Variants in GIPC2 observed in about 807,000 individuals in gnomAD.
GIPC2 encodes the protein GIPC PDZ domain containing family member 2.
A neutral mutation model predicts 30.6 loss-of-function variants in GIPC2; 30 were observed. That is an observed-to-expected ratio of 0.98 (90% CI 0.73 to 1.33). GIPC2 has a LOEUF of 1.33. Ranked by LOEUF, GIPC2 falls within the 40% of genes most tolerant of loss-of-function variation. The probability of loss-of-function intolerance (pLI) is 0.00; values close to 1 mark genes in which losing one functional copy is unlikely to be tolerated. For missense variants in GIPC2, 414 were observed against 390.3 expected, an observed-to-expected ratio of 1.06 and a Z score of -0.51; for synonymous variants, 167 against 150.0, an observed-to-expected ratio of 1.11 and a Z score of -0.83.
At chr1:78,089,957 C>A (rs1157801509) in intron 2 of GIPC2, among the ~76,000 whole-genome samples, 2 of 152,162 alleles carry the variant, frequency 1.3e-5, no homozygotes, top group Non-Finnish European at 2.9e-5. Flanking sequence ...CCAGTGAGAA[C>A]TTACTCATAG....
In GIPC2 at chr1:78,114,637, T is replaced by TA. The variant is rs879259372; in HGVS notation, c.608-4744dup. ...AGATGGCTTGGCAAATACATAATGA[T>TA]AAAAAAAAAAAATCTGGGATGTATA... On this transcript the variant is annotated intron_variant, in intron 3 of 5. Coordinates refer to ENST00000370759, the MANE Select transcript of GIPC2 (RefSeq NM_017655.6). 8.9e-3 allele frequency among the ~76,000 whole-genome samples: 1,283 copies of TA among 144,060 alleles called. 17 individuals are homozygous for TA. Among genetic ancestry groups the TA allele is most frequent in the African/African-American group, 0.028 (1,108 of 39,406 alleles). The allele number at this position is 144,060 out of a possible 152,430, so 94.5% of individuals were successfully genotyped here. A position where few individuals can be genotyped will look rare whatever the true frequency, so the allele number is the denominator to read the frequency against.
At chr1:78,073,559 T>A (rs575287943) in intron 1 of GIPC2, among the ~76,000 whole-genome samples, 6 of 152,338 alleles carry the variant, frequency 3.9e-5, no homozygotes, top group African/African-American at 1.4e-4. Flanking sequence ...AAATCACATA[T>A]ACAAATAATG....
At chr1:78,095,153 C>A in intron 3 of GIPC2, 21 bp downstream of exon 3, 2 of 1,570,250 alleles carry the variant, frequency 1.3e-6, no homozygotes, top group Non-Finnish European at 1.7e-6. Flanking sequence ...GGTTGGTGGG[C>A]GGGTGTGTGA....
At chr1:78,097,903 G>A (rs1285978215) in intron 3 of GIPC2, among the ~76,000 whole-genome samples, 1 of 152,180 alleles carries the variant, frequency 6.6e-6, no homozygotes, top group Non-Finnish European at 1.5e-5. Context: ...GAGAGGTGGA[G>A]CAAGTAAGTA....
At chr1:78,131,659 G>C (rs1662900943) in intron 5 of GIPC2, among the ~76,000 whole-genome samples, 1 of 151,798 alleles carries the variant, frequency 6.6e-6, no homozygotes, top group Non-Finnish European at 1.5e-5. Context: ...TCTTAAATCA[G>C]AGCTATAATA....
chr1:78,058,086 G>A lies in GIPC2; in HGVS notation c.240+11752G>A, dbSNP rs540212517. ...TATGGCCACTCTTAATACCTCCTCT[G>A]TGCCATATACTCTTAAACCTCCCTT... On this transcript the variant is annotated intron_variant, in intron 1 of 5. Coordinates refer to ENST00000370759, the MANE Select transcript of GIPC2 (RefSeq NM_017655.6). Among the ~76,000 whole-genome samples, 5 of 152,164 alleles carry A rather than the reference G, an allele frequency of 3.3e-5. No individual in the cohort carries two copies. The South Asian group carries it at 1.0e-3, about 32-fold the overall frequency.
chr1:78,055,613 C>T (rs1177482055), intron 1 of GIPC2, among the ~76,000 whole-genome samples: 1 of 152,204 alleles, frequency 6.6e-6, no homozygotes, highest in East Asian at 1.9e-4. Context: ...ATTATTACCT[C>T]ACCCCACTGT....
At chr1:78,120,877 C>T (rs1662668629) in intron 4 of GIPC2, among the ~76,000 whole-genome samples, 1 of 152,194 alleles carries the variant, frequency 6.6e-6, no homozygotes, top group Non-Finnish European at 1.5e-5. Flanking sequence ...GGTGGGGACA[C>T]AGCCAAACCA....
chr1:78,093,643 T>G (rs550068660), intron 2 of GIPC2, among the ~76,000 whole-genome samples: 17 of 152,312 alleles, frequency 1.1e-4, no homozygotes, highest in African/African-American at 3.4e-4. Flanking sequence ...GAGATCAGTT[T>G]TCTCCTAGCT....
intron 4 of GIPC2, among the ~76,000 whole-genome samples, chr1:78,123,377 C>T (rs1014375077): frequency 6.6e-6 from 1 of 151,584 alleles, no homozygotes; most frequent in African/African-American, 2.4e-5. Context: ...TTTTGGGGAC[C>T]TGTAAGCTGT....
intron 1 of GIPC2, among the ~76,000 whole-genome samples, chr1:78,079,892 C>G (rs971300773): frequency 6.6e-6 from 1 of 152,102 alleles, no homozygotes; most frequent in African/African-American, 2.4e-5. Flanking sequence ...CCTTTGAAAT[C>G]TCCACACAAC....
intron 2 of GIPC2, among the ~76,000 whole-genome samples, chr1:78,082,524 G>C (rs530807192): frequency 6.6e-6 from 1 of 152,194 alleles, no homozygotes; most frequent in Non-Finnish European, 1.5e-5. Context: ...TCCAAGGGAA[G>C]CTCAGGACAT....
At chr1:78,047,487 A>G (rs1238096342) in intron 1 of GIPC2, among the ~76,000 whole-genome samples, 1 of 152,170 alleles carries the variant, frequency 6.6e-6, no homozygotes, top group Non-Finnish European at 1.5e-5. Context: ...ATTTGTATTG[A>G]TATAGGATAC....
At chr1:78,114,105 C>G (rs78893684) in intron 3 of GIPC2, among the ~76,000 whole-genome samples, 1 of 152,174 alleles carries the variant, frequency 6.6e-6, no homozygotes. Context: ...ACCCACAAGC[C>G]GTGCATTCCT....
At chr1:78,072,394 A>T (rs1165547188) in intron 1 of GIPC2, among the ~76,000 whole-genome samples, 2 of 152,202 alleles carry the variant, frequency 1.3e-5, no homozygotes, top group Non-Finnish European at 2.9e-5. Flanking sequence ...TTTGAGTTCT[A>T]GAAGTTCCTT....
chr1:78,116,984 T>C (rs1164627949), intron 3 of GIPC2, among the ~76,000 whole-genome samples: 3 of 150,550 alleles, frequency 2.0e-5, no homozygotes, highest in Non-Finnish European at 4.4e-5. Context: ...AGTGTAAAAG[T>C]GTTCCTATTT....
rs1663016657 is a variant in GIPC2, at chr1:78,136,881, G to A, written c.*1138G>A. 2 of 152,116 alleles carry A rather than the reference G, an allele frequency of 1.3e-5. No homozygotes were observed. Among genetic ancestry groups the A allele is most frequent in the Non-Finnish European group, 2.9e-5 (2 of 67,984 alleles). The allele number at this position is 152,116 out of a possible 1,614,324, so 9.4% of individuals were successfully genotyped here. A position where few individuals can be genotyped will look rare whatever the true frequency, so the allele number is the denominator to read the frequency against. ...GTTTCAACAAAGATCATTTAATACA[G>A]CAGAGCATGGCATGACCAAGCATCT... On this transcript the variant is annotated 3_prime_UTR_variant, in exon 6 of 6. Transcript: ENST00000370759.
At chr1:78,112,129 G>A (rs1232426115) in intron 3 of GIPC2, among the ~76,000 whole-genome samples, 1 of 152,124 alleles carries the variant, frequency 6.6e-6, no homozygotes, top group African/African-American at 2.4e-5. Context: ...ATTTTATCAG[G>A]GTCTCACTTT....
intron 3 of GIPC2, chr1:78,112,391 CA>C: frequency 1.9e-6 from 1 of 518,454 alleles, no homozygotes; most frequent in Non-Finnish European, 3.9e-6. Flanking sequence ...TCTCTGTGTC[CA>C]TAGCATCCCA....
Sources: allele counts gnomAD v4.1 joint callset (sites outside exome capture counted in the v4.1 genomes callset), GRCh38; gene constraint gnomAD v4.1.1; transcripts MANE v1.5; gene names NCBI Gene and HGNC (gene_info 2026-07-23, HGNC 2026-07-21).